TNR: variants seen among roughly 807,000 people sequenced by gnomAD.
TNR encodes the protein tenascin R, also known as tenascin-R.
In TNR, 45 loss-of-function variants were observed where a neutral mutation model predicts 150.4. The observed-to-expected ratio is 0.30, with a 90% confidence interval of 0.24 to 0.38. The LOEUF (loss-of-function observed/expected upper bound fraction) is 0.38. TNR is among the 10% of genes least tolerant of loss of function. The pLI is 1.00. For missense variants in TNR, 1,544 were observed against 1,759.1 expected (o/e 0.88, Z 2.19); for synonymous variants, 687 against 678.4 (o/e 1.01, Z -0.20).
intron 2 of TNR, among the ~76,000 whole-genome samples, chr1:175,498,265 T>C (rs1035375271): frequency 5.3e-5 from 8 of 152,164 alleles, no homozygotes; most frequent in African/African-American, 1.4e-4. Context: ...GGCTACATTA[T>C]CCAGCCTCCT....
intron 1 of TNR, among the ~76,000 whole-genome samples, chr1:175,711,663 G>C (rs1667020534): frequency 6.6e-6 from 1 of 152,192 alleles, no homozygotes; most frequent in South Asian, 2.1e-4. Flanking sequence ...GCCGGGCCCA[G>C]GACAACAGAA....
intron 1 of TNR, among the ~76,000 whole-genome samples, chr1:175,718,923 G>T (rs539178867): frequency 6.6e-6 from 1 of 152,312 alleles, no homozygotes; most frequent in South Asian, 2.1e-4. Context: ...CAAACAGCTT[G>T]TCTGAGTTCT....
chr1:175,638,040 G>A (rs2101878755), intron 1 of TNR, among the ~76,000 whole-genome samples: 1 of 152,260 alleles, frequency 6.6e-6, no homozygotes, highest in African/African-American at 2.4e-5. Context: ...CTGCATAGAA[G>A]CATCTAGTTG....
chr1:175,709,306 CAT>C (rs1342351733), intron 1 of TNR, among the ~76,000 whole-genome samples: 2,251 of 132,984 alleles, frequency 0.017, 63 homozygotes, highest in African/African-American at 0.067. Flanking sequence ...CACACACACA[CAT>C]ACACACACAC....
At chr1:175,633,823 T>C (rs1664410421) in intron 1 of TNR, among the ~76,000 whole-genome samples, 2 of 152,142 alleles carry the variant, frequency 1.3e-5, no homozygotes, top group African/African-American at 4.8e-5. Flanking sequence ...AGGAAGAATA[T>C]TAGGGAATTG....
intron 1 of TNR, among the ~76,000 whole-genome samples, chr1:175,566,209 C>G (rs10913009): frequency 0.093 from 14,152 of 152,320 alleles, 711 homozygotes; most frequent in Middle Eastern, 0.14. Flanking sequence ...TTCATTAGCT[C>G]TGCACTTGCA....
At chr1:175,511,629 G>T (rs1225934641) in intron 2 of TNR, among the ~76,000 whole-genome samples, 1 of 152,204 alleles carries the variant, frequency 6.6e-6, no homozygotes, top group Non-Finnish European at 1.5e-5. Flanking sequence ...AGAGGCAGGG[G>T]TCTGAGCAGG....
chr1:175,358,822 G>A (rs1293179153), intron 15 of TNR, among the ~76,000 whole-genome samples: 2 of 152,204 alleles, frequency 1.3e-5, no homozygotes, highest in Non-Finnish European at 2.9e-5. Context: ...TGTTGGGCTG[G>A]ATATGAATAG....
intron 2 of TNR, among the ~76,000 whole-genome samples, chr1:175,464,103 G>A (rs1656931176): frequency 6.6e-6 from 1 of 152,174 alleles, no homozygotes; most frequent in Admixed American, 6.5e-5. Flanking sequence ...TTCCTCACAG[G>A]ATCTAAGCCA....
intron 2 of TNR, among the ~76,000 whole-genome samples, chr1:175,526,518 G>C (rs1279346257): frequency 2.0e-5 from 3 of 152,208 alleles, no homozygotes; most frequent in Non-Finnish European, 2.9e-5. Flanking sequence ...CAAAACGGGA[G>C]AAAGTAGTAC....
At position 175,403,415 on chromosome 1, in the gene TNR, C is replaced by G; in HGVS notation, c.701G>C (p.Arg234Pro). 6.2e-7 allele frequency: 1 copy of G among 1,614,204 alleles called. No individual in the cohort carries two copies. Among genetic ancestry groups the G allele is most frequent in the Non-Finnish European group, 8.5e-7 (1 of 1,180,044 alleles). ...EYSGDDCSEL[R>P]CPTDCSSRGL... is the part of the protein sequence containing the mutation. Reference sequence around the variant, plus strand: ...CCGGGAGCTGCAGTCTGTTGGGCACCGGAGTTCGGAACAGTCATCCCCGCT... The same window carrying G: ...CCGGGAGCTGCAGTCTGTTGGGCACGGGAGTTCGGAACAGTCATCCCCGCT... Residue 234 changes from arginine (R) to proline (P), a missense_variant, in exon 4 of 23, where the codon CGG (arginine) becomes CCG (proline). Arg to Pro is a moderately radical substitution (Grantham distance 103, BLOSUM62 -2). Around this residue, in one of 2 missense-constraint regions of TNR, gnomAD observed 1,254 missense variants for 1,329.4 expected, o/e 0.94. Transcript: ENST00000367674.
intron 1 of TNR, among the ~76,000 whole-genome samples, chr1:175,711,940 C>T (rs565916599): frequency 2.0e-5 from 3 of 152,240 alleles, no homozygotes; most frequent in African/African-American, 7.2e-5. Flanking sequence ...GGTGAAAATG[C>T]TGTGTGGCCA....
At chr1:175,579,059 A>G (rs1245454962) in intron 1 of TNR, among the ~76,000 whole-genome samples, 2 of 152,164 alleles carry the variant, frequency 1.3e-5, no homozygotes, top group Non-Finnish European at 2.9e-5. Context: ...AGAATCCTTC[A>G]CCATTTCCCA....
intron 1 of TNR, among the ~76,000 whole-genome samples, chr1:175,537,235 C>T (rs1377327302): frequency 6.6e-6 from 1 of 152,162 alleles, no homozygotes; most frequent in African/African-American, 2.4e-5. Context: ...CATGTGCTCT[C>T]CTCAGTGAAA....
chr1:175,696,207 C>G (rs1000220589), intron 1 of TNR, among the ~76,000 whole-genome samples: 4 of 133,978 alleles, frequency 3.0e-5, no homozygotes, highest in Non-Finnish European at 4.7e-5. Flanking sequence ...ATTAAATGAG[C>G]CTTCCTGTAG....
At chr1:175,580,074 G>C (rs1280197182) in intron 1 of TNR, among the ~76,000 whole-genome samples, 1 of 152,192 alleles carries the variant, frequency 6.6e-6, no homozygotes, top group Non-Finnish European at 1.5e-5. Flanking sequence ...CTGACATCTA[G>C]ACATTTGATT....
At chr1:175,685,893 T>C (rs1049229937) in intron 1 of TNR, among the ~76,000 whole-genome samples, 1 of 151,932 alleles carries the variant, frequency 6.6e-6, no homozygotes, top group African/African-American at 2.4e-5. Flanking sequence ...GGTTCTCATG[T>C]GTTGCTCAGA....
intron 2 of TNR, among the ~76,000 whole-genome samples, chr1:175,417,193 C>T (rs761857613): frequency 5.3e-5 from 8 of 151,996 alleles, no homozygotes; most frequent in African/African-American, 9.7e-5. Flanking sequence ...ATTGAATTAA[C>T]ATTACTAATT....
At chr1:175,494,706 T>C (rs767996114) in intron 2 of TNR, among the ~76,000 whole-genome samples, 17 of 152,238 alleles carry the variant, frequency 1.1e-4, no homozygotes, top group Non-Finnish European at 2.4e-4. Context: ...GGTGATCTAT[T>C]TGCTCTCTGT....
Sources: allele counts gnomAD v4.1 joint callset (sites outside exome capture counted in the v4.1 genomes callset), GRCh38; gene constraint gnomAD v4.1.1; regional missense constraint gnomAD v4.1.1; transcripts MANE v1.5; gene names NCBI Gene and HGNC (gene_info 2026-07-23, HGNC 2026-07-21).